TRIM49C: variants seen among roughly 807,000 people sequenced by gnomAD.
The protein encoded by TRIM49C is tripartite motif-containing protein 49C.
In TRIM49C, 6 loss-of-function variants were observed where a neutral mutation model predicts 21.4. That is an observed-to-expected ratio of 0.28 (90% CI 0.15 to 0.55). The LOEUF is 0.55. Among genes scored for constraint, TRIM49C ranks in the 20% least tolerant of loss-of-function variants. The pLI is 0.94. For missense variants in TRIM49C, 161 were observed against 442.4 expected, an observed-to-expected ratio of 0.36 and a Z score of 5.71; for synonymous variants, 57 against 148.1, an observed-to-expected ratio of 0.38 and a Z score of 4.47.
At chr11:90,072,156 G>C in the TRIM49C span, among the ~76,000 whole-genome samples, 1 of 141,496 alleles carries the variant, frequency 7.1e-6, no homozygotes, top group Non-Finnish European at 1.5e-5. Context: ...TGACTGATTT[G>C]AGTGACAGTG....
At chr11:90,069,593 T>C in the TRIM49C span, among the ~76,000 whole-genome samples, 2 of 128,092 alleles carry the variant, frequency 1.6e-5, no homozygotes, top group Non-Finnish European at 3.2e-5. Flanking sequence ...TGATTATTTC[T>C]CCACACCATA....
Position 90,041,634 on chromosome 11 carries a change from G to T in TRIM49C, c.*84G>T. On this transcript the variant is annotated 3_prime_UTR_variant, in exon 8 of 8. Coordinates refer to ENST00000448984, the MANE Select transcript of TRIM49C (RefSeq NM_001195234.1). ...CCTCTTCCTTGTGCCTTAACATACA[G>T]GACAAATAGGCTCTATTTTATGTCT... 1.6e-6 allele frequency: 1 copy of T among 638,730 alleles called. No homozygotes were observed. The highest frequency in any genetic ancestry group is 2.3e-6 in the Non-Finnish European group (1 of 427,040). The allele number at this position is 638,730 out of a possible 1,614,324, so 39.6% of individuals were successfully genotyped here. A position where few individuals can be genotyped will look rare whatever the true frequency, so the allele number is the denominator to read the frequency against.
chr11:90,071,161 G>A, the TRIM49C span: 1 of 493,672 alleles, frequency 2.0e-6, no homozygotes, highest in South Asian at 1.5e-5. Flanking sequence ...GGGAGACATG[G>A]TGGCAAGGTA....
chr11:90,053,030 C>CCATTATCAGGCATGAAAA, the TRIM49C span, among the ~76,000 whole-genome samples: 31 of 140,516 alleles, frequency 2.2e-4, no homozygotes, highest in African/African-American at 7.6e-4. Context: ...AACCTCAAAG[C>CCATTATCAGGCATGAAAA]CCTCCGTCCT....
chr11:90,038,162 TC>T (rs1950739896), intron 5 of TRIM49C, among the ~76,000 whole-genome samples, 183 bp downstream of exon 5: 1 of 124,382 alleles, frequency 8.0e-6, no homozygotes, highest in African/African-American at 3.2e-5. Flanking sequence ...AGGGCAAAGG[TC>T]CCTCCTACTT....
intron 1 of TRIM49C, among the ~76,000 whole-genome samples, chr11:90,031,857 G>A (rs1415520874): frequency 1.4e-5 from 2 of 140,912 alleles, no homozygotes; most frequent in Non-Finnish European, 3.1e-5. Context: ...GCTGGATGAG[G>A]TGGTTTATAC....
chr11:90,069,256 C>A, the TRIM49C span, among the ~76,000 whole-genome samples: 1 of 121,960 alleles, frequency 8.2e-6, no homozygotes, highest in East Asian at 2.3e-4. Context: ...AGGCGCTCGC[C>A]ACCACGCCCA....
At chr11:90,072,048 C>T in the TRIM49C span, among the ~76,000 whole-genome samples, 5 of 138,308 alleles carry the variant, frequency 3.6e-5, 1 homozygote, top group East Asian at 2.3e-4. Flanking sequence ...TTCATGTATG[C>T]TTCAACCGTG....
At chr11:90,073,152 C>T in the TRIM49C span, 290 of 1,069,984 alleles carry the variant, frequency 2.7e-4, 53 homozygotes, top group Middle Eastern at 4.3e-3. Flanking sequence ...ATGTTTAACT[C>T]TAAGGACATA....
At chr11:90,046,785 G>A (rs568043174), downstream of TRIM49C, among the ~76,000 whole-genome samples, 42 of 123,400 alleles carry the variant, frequency 3.4e-4, 13 homozygotes, top group East Asian at 0.01. Flanking sequence ...TGCTCTGATC[G>A]TAGTTATTTC....
intron 1 of TRIM49C, among the ~76,000 whole-genome samples, chr11:90,031,648 G>A (rs3956307): frequency 6.6e-6 from 1 of 151,924 alleles, no homozygotes; most frequent in Non-Finnish European, 1.5e-5. Flanking sequence ...GGAGAAAAAC[G>A]TTAAAATAAT....
At chr11:90,069,669 G>T in the TRIM49C span, among the ~76,000 whole-genome samples, 5 of 118,890 alleles carry the variant, frequency 4.2e-5, no homozygotes, top group African/African-American at 1.3e-4. Context: ...ACAGAAAATT[G>T]AAGCCAGATC....
At chr11:90,066,240 G>A in the TRIM49C span, among the ~76,000 whole-genome samples, 1 of 135,446 alleles carries the variant, frequency 7.4e-6, no homozygotes, top group South Asian at 2.6e-4. Flanking sequence ...AGCTGGTCTC[G>A]AACTCCTCAC....
chr11:90,066,088 T>A, the TRIM49C span, among the ~76,000 whole-genome samples: 4 of 139,766 alleles, frequency 2.9e-5, 2 homozygotes, highest in African/African-American at 1.0e-4. Flanking sequence ...GGGCTTGGTC[T>A]TAGCTCACTG....
At chr11:90,053,546 C>T in the TRIM49C span, 8,479 of 146,836 alleles carry the variant, frequency 0.058, 2 homozygotes, top group East Asian at 0.19. Flanking sequence ...TGCTCCTCCT[C>T]GTCCTGGAAA....
chr11:90,069,122 T>G, the TRIM49C span, among the ~76,000 whole-genome samples: 1 of 129,372 alleles, frequency 7.7e-6, no homozygotes, highest in Non-Finnish European at 1.6e-5. Context: ...TTTTTGTTTT[T>G]GAGACAGAGT....
the TRIM49C span, among the ~76,000 whole-genome samples, chr11:90,072,051 C>T: frequency 7.1e-6 from 1 of 141,228 alleles, no homozygotes; most frequent in Non-Finnish European, 1.5e-5. Flanking sequence ...ATGTATGCTT[C>T]AACCGTGATA....
rs2134815072 is a variant in TRIM49C at position 90,035,271 on chromosome 11, C to T, written c.60C>T (p.Asn20=). ...QGELICPLCM[N]YFIDPVTIDC... ...AACTCATCTGCCCCCTGTGCATGAA[C>T]TACTTCATAGACCCGGTCACCATAG... Residue 20 remains asparagine, a synonymous_variant, in exon 3 of 8, where the codon AAC becomes AAT. Transcript: ENST00000448984. The T allele has an allele frequency of 6.3e-7, 1 of 1,577,088 alleles. No individual in the cohort carries two copies. Among genetic ancestry groups the T allele is most frequent in the Non-Finnish European group, 8.6e-7 (1 of 1,161,812 alleles).
the TRIM49C span, among the ~76,000 whole-genome samples, chr11:90,049,289 A>C: frequency 1.0e-5 from 1 of 99,158 alleles, no homozygotes; most frequent in African/African-American, 4.3e-5. Flanking sequence ...CAAAGCTGTC[A>C]GACAGGGACA....
Sources: allele counts gnomAD v4.1 joint callset (sites outside exome capture counted in the v4.1 genomes callset), GRCh38; gene constraint gnomAD v4.1.1; transcripts MANE v1.5; gene names NCBI Gene and HGNC (gene_info 2026-07-23, HGNC 2026-07-21).